Variants in DSCAM observed in about 807,000 individuals in gnomAD.
DSCAM encodes the protein cell adhesion molecule DSCAM.
DSCAM carries 47 observed loss-of-function variants against 217.7 expected under a neutral mutation model. The observed-to-expected ratio is 0.22, with a 90% CI of 0.17 to 0.28. The LOEUF is 0.28. Ranked by LOEUF, DSCAM falls within the 10% of genes least tolerant of loss-of-function variation. The pLI is 1.00. For synonymous variants in DSCAM, 1,056 were observed against 1,015.3 expected, an observed-to-expected ratio of 1.04 and a Z score of -0.76; for missense variants, 2,080 against 2,618.3, an observed-to-expected ratio of 0.79 and a Z score of 4.49.
intron 3 of DSCAM, among the ~76,000 whole-genome samples, chr21:40,609,657 C>T (rs1322396080): frequency 6.6e-6 from 1 of 152,116 alleles, no homozygotes; most frequent in African/African-American, 2.4e-5. Context: ...GGAAAGATGA[C>T]TCAGGAAGGG....
chr21:40,439,503 C>CT (rs2075612272), intron 3 of DSCAM, among the ~76,000 whole-genome samples: 1 of 152,178 alleles, frequency 6.6e-6, no homozygotes, highest in Non-Finnish European at 1.5e-5. Context: ...GCACTGAGTA[C>CT]TTAGGAAGCA....
chr21:40,184,563 C>T (rs988218371), intron 14 of DSCAM, among the ~76,000 whole-genome samples: 1 of 152,194 alleles, frequency 6.6e-6, no homozygotes, highest in African/African-American at 2.4e-5. Flanking sequence ...GAGTATCCCT[C>T]AATCCCGCCT....
intron 1 of DSCAM, among the ~76,000 whole-genome samples, chr21:40,775,588 T>C (rs1347651944): frequency 6.6e-6 from 1 of 152,168 alleles, no homozygotes; most frequent in Non-Finnish European, 1.5e-5. Flanking sequence ...CAGATCCCTC[T>C]CTCTGAGAGC....
At chr21:40,395,101 T>A (rs1346048863) in intron 3 of DSCAM, among the ~76,000 whole-genome samples, 3 of 152,212 alleles carry the variant, frequency 2.0e-5, no homozygotes, top group Admixed American at 1.3e-4. Context: ...GTTATGAAAA[T>A]TCTAACTTCA....
intron 21 of DSCAM, among the ~76,000 whole-genome samples, chr21:40,093,408 A>C (rs1274741752): frequency 2.6e-5 from 4 of 152,206 alleles, no homozygotes; most frequent in Non-Finnish European, 5.9e-5. Flanking sequence ...CTGAAAGTAG[A>C]ACATCCTTGG....
intron 8 of DSCAM, among the ~76,000 whole-genome samples, chr21:40,324,486 A>G (rs970579569): frequency 6.6e-6 from 1 of 152,210 alleles, no homozygotes. Flanking sequence ...TGGTGGAAAG[A>G]ACTGGATAAT....
rs376253272 is a variant in DSCAM, at chr21:40,181,380, G to A, written c.2780-2286C>T. On this transcript the variant is annotated intron_variant, in intron 14 of 32. Coordinates refer to ENST00000400454, the MANE Select transcript of DSCAM (RefSeq NM_001389.5). ...AGACCTACCAAACCAGAGTCTCTGG[G>A]GAATGGTGCCCAGAAACCTGTGCTT... Among the ~76,000 whole-genome samples, 21 of 152,192 alleles carry A rather than the reference G, an allele frequency of 1.4e-4. No homozygotes were observed. In the South Asian group the frequency reaches 4.4e-3, roughly 32 times the overall value.
At chr21:40,436,473 A>G (rs1026105837) in intron 3 of DSCAM, among the ~76,000 whole-genome samples, 3 of 152,172 alleles carry the variant, frequency 2.0e-5, no homozygotes, top group African/African-American at 7.2e-5. Context: ...GCTGGCATCT[A>G]GTGGTGTGTG....
intron 1 of DSCAM, among the ~76,000 whole-genome samples, chr21:40,764,952 G>A (rs1387033659): frequency 2.0e-5 from 3 of 152,110 alleles, no homozygotes; most frequent in Non-Finnish European, 4.4e-5. Context: ...GCCTGTCAGG[G>A]GGTGGAGGGC....
chr21:40,581,561 G>C (rs2076905852), intron 3 of DSCAM, among the ~76,000 whole-genome samples: 1 of 152,180 alleles, frequency 6.6e-6, no homozygotes, highest in Non-Finnish European at 1.5e-5. Flanking sequence ...TCCCAGGTGT[G>C]AGAGGAGGGG....
Position 40,093,855 on chromosome 21 carries a change from G to A in DSCAM, c.3716C>T (p.Ala1239Val). 3.1e-6 allele frequency: 5 copies of A among 1,613,774 alleles called. No homozygotes were observed. Among genetic ancestry groups the A allele is most frequent in the Non-Finnish European group, 4.2e-6 (5 of 1,179,896 alleles). ...PYPTVISEFE[A>V]SPDSFSYRIP... The stretch of plus-strand genomic sequence containing the variant: ...TCTGTAGGAAAACGAGTCGGGAGAG[G>A]CCTCAAACTCGCTGATCACCTGTAA... The change falls in exon 21 of 33, where the codon GCC becomes GTC. Residue 1239 changes from alanine to valine, a missense_variant. By Grantham distance (64) the Ala-to-Val change is moderately conservative. This residue lies in a region of DSCAM where 1,144 missense variants were observed against 1,421.1 expected (regional missense o/e 0.81). Coordinates refer to ENST00000400454, the MANE Select transcript of DSCAM (RefSeq NM_001389.5).
chr21:40,103,676 T>C (rs1279070709), intron 20 of DSCAM, among the ~76,000 whole-genome samples: 2 of 151,792 alleles, frequency 1.3e-5, no homozygotes, highest in Non-Finnish European at 2.9e-5. Context: ...TTACTGTAGA[T>C]ACCATTACAT....
At chr21:40,203,492 T>C (rs908884373) in intron 11 of DSCAM, among the ~76,000 whole-genome samples, 1 of 152,218 alleles carries the variant, frequency 6.6e-6, no homozygotes, top group African/African-American at 2.4e-5. Context: ...AGAGCCTTGT[T>C]TTCTAGTACC....
chr21:40,707,804 C>A (rs1200229663), intron 2 of DSCAM, among the ~76,000 whole-genome samples: 1 of 152,000 alleles, frequency 6.6e-6, no homozygotes, highest in Non-Finnish European at 1.5e-5. Flanking sequence ...TATATATAGC[C>A]CTTGATGTCT....
intron 3 of DSCAM, among the ~76,000 whole-genome samples, chr21:40,505,952 T>C (rs1275792236): frequency 6.6e-6 from 1 of 152,168 alleles, no homozygotes; most frequent in Non-Finnish European, 1.5e-5. Flanking sequence ...CTCATTTTCA[T>C]TCAAGAAAAT....
At chr21:40,023,331 G>A (rs373263359) in intron 32 of DSCAM, among the ~76,000 whole-genome samples, 36 of 152,040 alleles carry the variant, frequency 2.4e-4, no homozygotes, top group Admixed American at 9.8e-4. Flanking sequence ...ATAAACATAC[G>A]TGTGCATATG....
intron 27 of DSCAM, among the ~76,000 whole-genome samples, chr21:40,069,782 G>A (rs1033179663): frequency 6.6e-6 from 1 of 152,114 alleles, no homozygotes; most frequent in African/African-American, 2.4e-5. Context: ...ATTTTTGCAA[G>A]GGCTATAAAC....
At chr21:40,291,178 C>T (rs2073887783) in intron 10 of DSCAM, among the ~76,000 whole-genome samples, 1 of 152,200 alleles carries the variant, frequency 6.6e-6, no homozygotes, top group Non-Finnish European at 1.5e-5. Flanking sequence ...ATTCAGAATC[C>T]ATTTGTCCCT....
At chr21:40,307,244 A>C (rs113293383) in intron 9 of DSCAM, among the ~76,000 whole-genome samples, 1 of 151,910 alleles carries the variant, frequency 6.6e-6, no homozygotes, top group South Asian at 2.1e-4. Flanking sequence ...CAAGAAAAAA[A>C]AAACAACCCC....
Sources: gnomAD v4.1 joint callset for allele counts (sites outside exome capture counted in the v4.1 genomes callset) on GRCh38, gnomAD v4.1.1 for gene constraint, gnomAD v4.1.1 regional missense constraint, MANE v1.5 for transcripts, NCBI Gene and HGNC (gene_info 2026-07-23, HGNC 2026-07-21) for gene names.